TRPM6: variants seen among roughly 807,000 people sequenced by gnomAD.
TRPM6 encodes transient receptor potential cation channel subfamily M member 6, also known as channel kinase 2.
Under a neutral mutation model 247.6 loss-of-function variants are expected in TRPM6, and 111 were observed. The ratio of observed to expected loss-of-function variants is 0.45; its 90% confidence interval spans 0.38 to 0.52. The LOEUF is 0.52. Among genes scored for constraint, TRPM6 ranks in the 20% least tolerant of loss-of-function variants. The pLI, the probability that TRPM6 is intolerant of heterozygous loss-of-function variation, is 0.00. For synonymous variants in TRPM6, 892 were observed against 853.8 expected, an observed-to-expected ratio of 1.04 and a Z score of -0.78; for missense variants, 2,126 against 2,421.5, an observed-to-expected ratio of 0.88 and a Z score of 2.56.
rs1234456094 is a variant in TRPM6 at position 74,816,697 on chromosome 9, T to C, written c.1280A>G (p.His427Arg). ...CCAGTGTTGTTCATAAATTAGGATA[T>C]GTTTCTTGGCAATGTCCACCCTGTC... Reference protein sequence around the residue: ...AWDRVDIAKKHILIYEQHWKP... With the variant: ...AWDRVDIAKKRILIYEQHWKP... Residue 427 changes from histidine to arginine, a missense_variant, in exon 11 of 39, where the codon CAT becomes CGT. By Grantham distance (29) the His-to-Arg change is conservative (BLOSUM62 0). This residue lies in a region of TRPM6 where 1,082 missense variants were observed against 1,307.9 expected (regional missense o/e 0.83). Coordinates refer to ENST00000360774, the MANE Select transcript of TRPM6 (RefSeq NM_017662.5). 1 of 1,614,126 alleles carries C rather than the reference T, an allele frequency of 6.2e-7. No individual in the cohort carries two copies. The highest frequency in any genetic ancestry group is 8.5e-7 in the Non-Finnish European group (1 of 1,179,978).
intron 6 of TRPM6, among the ~76,000 whole-genome samples, chr9:74,829,077 GA>G (rs1410515891): frequency 6.6e-6 from 1 of 152,116 alleles, no homozygotes; most frequent in African/African-American, 2.4e-5. Context: ...CGGATCAGTT[GA>G]GGTTAGGAGT....
Position 74,801,959 on chromosome 9 carries a change from G to A in TRPM6, c.1948C>T (p.His650Tyr). 2 of 1,614,228 alleles carry A rather than the reference G, an allele frequency of 1.2e-6. No homozygotes were observed. The highest frequency in any genetic ancestry group is 1.7e-6 in the Non-Finnish European group (2 of 1,180,040). The change falls in exon 16 of 39, where the codon CAT (histidine) becomes TAT (tyrosine). Residue 650 changes from histidine to tyrosine, a missense_variant. Transcript: ENST00000360774. ...ACCATGTGACTCTCCTTAGCTTCAT[G>A]GGCCATTGCCCGGTAGAGGATACAC... ...IACILYRAMAHEAKESHMVDD... is the reference protein window; with the variant it reads ...IACILYRAMAYEAKESHMVDD...
chr9:74,815,118 G>T (rs1030362122), intron 11 of TRPM6, among the ~76,000 whole-genome samples: 2 of 152,100 alleles, frequency 1.3e-5, no homozygotes, highest in Non-Finnish European at 2.9e-5. Flanking sequence ...GAGAACAAAG[G>T]TTGGGGGTGT....
intron 23 of TRPM6, among the ~76,000 whole-genome samples, chr9:74,778,141 G>T (rs1484783235): frequency 2.0e-5 from 3 of 152,176 alleles, no homozygotes; most frequent in African/African-American, 7.2e-5. Flanking sequence ...TCAAGATCGA[G>T]AATCAGAGCC....
chr9:74,803,866 T>A lies in TRPM6; in HGVS notation c.1659A>T (p.Gly553=). 1 of 1,613,046 alleles carries A rather than the reference T, an allele frequency of 6.2e-7. No homozygotes were observed. Among genetic ancestry groups the A allele is most frequent in the Non-Finnish European group, 8.5e-7 (1 of 1,179,018 alleles). ...TACTTTCTGCAGACTCATTTCTATTTCCTGAGGAGTGTCTCTGGTGCTGGG... is the reference window on the plus strand; with the variant it reads ...TACTTTCTGCAGACTCATTTCTATTACCTGAGGAGTGTCTCTGGTGCTGGG... ...RKYKHQRHSS[G]NRNESAESTL... Residue 553 remains glycine (G), a synonymous_variant, in exon 15 of 39, where the codon GGA becomes GGT. Coordinates refer to ENST00000360774, the MANE Select transcript of TRPM6 (RefSeq NM_017662.5).
In TRPM6 at chr9:74,761,693, T is replaced by TA. The variant is rs769701062; in HGVS notation, c.4785+2dup. ...CTAAAAGACAGAATAACAGTACACTTACTGGCACCTGGAGTCCTTGAGTAT... is the reference window on the plus strand; with the variant it reads ...CTAAAAGACAGAATAACAGTACACTTAACTGGCACCTGGAGTCCTTGAGTAT... On this transcript the variant is annotated splice_region_variant and intron_variant, in intron 27 of 38. Coordinates refer to ENST00000360774, the MANE Select transcript of TRPM6 (RefSeq NM_017662.5). The TA allele has an allele frequency of 1.3e-6, 2 of 1,575,404 alleles. No homozygotes were observed. Among genetic ancestry groups the TA allele is most frequent in the Admixed American group, 1.7e-5 (1 of 59,972 alleles).
At chr9:74,733,677 T>C (rs1383197960) in intron 36 of TRPM6, among the ~76,000 whole-genome samples, 1 of 152,156 alleles carries the variant, frequency 6.6e-6, no homozygotes, top group African/African-American at 2.4e-5. Context: ...AGCCAAAGTT[T>C]GTGTTCCTAC....
intron 19 of TRPM6, among the ~76,000 whole-genome samples, chr9:74,791,148 G>A (rs994173985): frequency 5.3e-5 from 8 of 152,190 alleles, no homozygotes; most frequent in African/African-American, 1.9e-4. Flanking sequence ...TATGACTATG[G>A]TTAAAACTCT....
At chr9:74,829,972 T>A (rs547270775) in intron 6 of TRPM6, among the ~76,000 whole-genome samples, 49 of 151,730 alleles carry the variant, frequency 3.2e-4, no homozygotes, top group African/African-American at 1.1e-3. Context: ...AAGAAAAAAA[T>A]TTTTAAGAAT....
rs1057515637 is a variant in TRPM6 at position 74,724,531 on chromosome 9, C to A, written c.*82G>T. The A allele has an allele frequency of 1.9e-6, 3 of 1,593,754 alleles. No individual in the cohort carries two copies. The highest frequency in any genetic ancestry group is 2.6e-6 in the Non-Finnish European group (3 of 1,162,770). On this transcript the variant is annotated 3_prime_UTR_variant, in exon 39 of 39. Transcript: ENST00000360774. ...TGTCCCAAGGAGACGCTGATGTAAT[C>A]AACATCACGTTGATCAATCTATGTT...
Position 74,731,695 on chromosome 9 carries a change from C to T in TRPM6, c.5828+990G>A, listed in dbSNP as rs576734424. On this transcript the variant is annotated intron_variant, in intron 37 of 38. Coordinates refer to ENST00000360774, the MANE Select transcript of TRPM6 (RefSeq NM_017662.5). ...TTGATTGCCCACTTATGTAGTTATA[C>T]ATATAATATATATAATATATATAAT... Among the ~76,000 whole-genome samples, 3 of 148,210 alleles carry T rather than the reference C, an allele frequency of 2.0e-5. No individual in the cohort carries two copies. The East Asian group carries it at 5.8e-4, about 29-fold the overall frequency.
In TRPM6 at chr9:74,887,406, C is replaced by T. The variant is rs1333343; in HGVS notation, c.33+418G>A. 1,020,522 of 1,327,720 alleles carry T rather than the reference C, an allele frequency of 0.77. 394,661 individuals are homozygous for T. Among genetic ancestry groups the T allele is most frequent in the Non-Finnish European group, 0.79 (790,070 of 1,004,760 alleles). 82.2% of individuals were successfully genotyped at this position (1,327,720 alleles called of 1,614,324 possible). Reference sequence around the variant, plus strand: ...GATCTGTGCCCGTGGCAGCTCAAAACGCGCCTTCTCTCCTCCGGATTCTCA... The same window carrying T: ...GATCTGTGCCCGTGGCAGCTCAAAATGCGCCTTCTCTCCTCCGGATTCTCA... On this transcript the variant is annotated intron_variant, in intron 1 of 38. Transcript: ENST00000360774.
rs370252228 is a variant in TRPM6 at position 74,788,779 on chromosome 9, G to C, written c.2539-37C>G. The C allele has an allele frequency of 4.3e-6, 7 of 1,610,716 alleles. No homozygotes were observed. The Admixed American group carries it at 1.2e-4, about 27-fold the overall frequency. ...ACACACATTCCCCAGATGTGAGTGA[G>C]AGCAAGCATGGAGCATGCCAAGGAG... On this transcript the variant is annotated intron_variant, in intron 19 of 38. Transcript: ENST00000360774.
intron 7 of TRPM6, among the ~76,000 whole-genome samples, chr9:74,822,194 C>T (rs1474018330): frequency 1.3e-5 from 2 of 152,292 alleles, no homozygotes; most frequent in African/African-American, 4.8e-5. Flanking sequence ...GTGTTCATCA[C>T]TCATCTCCAA....
At chr9:74,745,340 G>A (rs1009532306) in intron 31 of TRPM6, among the ~76,000 whole-genome samples, 8 of 152,140 alleles carry the variant, frequency 5.3e-5, no homozygotes, top group Admixed American at 2.0e-4. Flanking sequence ...TATGTGCCAG[G>A]CACTGGTCTA....
Position 74,792,647 on chromosome 9 carries a change from T to C in TRPM6, c.2515A>G (p.Ile839Val), listed in dbSNP as rs1306741160. ...RKVYEFYSAP[I>V]VKFWFYTMAY... ...ACCGTATAAAACCAAAACTTGACAA[T>C]TGGAGCACTGTAGAACTCATAGACT... Residue 839 changes from isoleucine (I) to valine (V), a missense_variant, in exon 19 of 39, where the codon ATT (isoleucine) becomes GTT (valine). This residue lies in a region of TRPM6 where 1,082 missense variants were observed against 1,307.9 expected (regional missense o/e 0.83). Coordinates refer to ENST00000360774, the MANE Select transcript of TRPM6 (RefSeq NM_017662.5). 5 of 1,614,002 alleles carry C rather than the reference T, an allele frequency of 3.1e-6. No individual in the cohort carries two copies. The highest frequency in any genetic ancestry group is 1.7e-5 in the Admixed American group (1 of 59,992).
chr9:74,871,900 T>C (rs935898996), intron 1 of TRPM6, among the ~76,000 whole-genome samples: 1 of 151,674 alleles, frequency 6.6e-6, no homozygotes, highest in African/African-American at 2.4e-5. Context: ...TTGCCCAGAC[T>C]GGAGTGAAGT....
At chr9:74,767,730 A>C (rs910323610) in intron 25 of TRPM6, among the ~76,000 whole-genome samples, 2 of 152,176 alleles carry the variant, frequency 1.3e-5, no homozygotes, top group Non-Finnish European at 2.9e-5. Flanking sequence ...GCACTTTGGG[A>C]GACTGAGGCA....
chr9:74,858,861 C>A (rs1013598906), intron 1 of TRPM6, 113 bp from the exon 2 acceptor site: 3 of 804,630 alleles, frequency 3.7e-6, no homozygotes, highest in Non-Finnish European at 6.1e-6. Context: ...ATTAAAATGC[C>A]AAGACCAACC....
Sources: allele counts gnomAD v4.1 joint callset (sites outside exome capture counted in the v4.1 genomes callset), GRCh38; gene constraint gnomAD v4.1.1; regional missense constraint gnomAD v4.1.1; transcripts MANE v1.5; gene names NCBI Gene and HGNC (gene_info 2026-07-23, HGNC 2026-07-21).